CTNNA3: variants seen among roughly 807,000 people sequenced by gnomAD.
CTNNA3 encodes catenin alpha 3, also known as catenin alpha-3.
A neutral mutation model predicts 95.7 loss-of-function variants in CTNNA3; 76 were observed. That is an observed-to-expected ratio of 0.79 (90% CI 0.66 to 0.96). The LOEUF (loss-of-function observed/expected upper bound fraction) is 0.96, where lower values mean the gene tolerates loss of function less well. Among genes scored for constraint, CTNNA3 ranks in the 40% least tolerant of loss-of-function variants. CTNNA3 has a pLI of 0.00. For missense variants in CTNNA3, 1,191 were observed against 1,089.8 expected, an observed-to-expected ratio of 1.09 and a Z score of -1.31; for synonymous variants, 431 against 374.4, an observed-to-expected ratio of 1.15 and a Z score of -1.74.
chr10:66,942,369 A>G (rs1191717280), intron 7 of CTNNA3, among the ~76,000 whole-genome samples: 1 of 152,194 alleles, frequency 6.6e-6, no homozygotes, highest in African/African-American at 2.4e-5. Flanking sequence ...AATATCCTTT[A>G]ATGGACTTGC....
Position 66,877,945 on chromosome 10 carries a change from A to G in CTNNA3, c.1048-102421T>C, listed in dbSNP as rs573825715. Reference sequence around the variant, plus strand: ...GAAAGTCTAAACTGTTAAAGTCGCTAAGGCACTAGTGCTTTGTATAATTTA... The same window carrying G: ...GAAAGTCTAAACTGTTAAAGTCGCTGAGGCACTAGTGCTTTGTATAATTTA... On this transcript the variant is annotated intron_variant, in intron 7 of 17. Coordinates refer to ENST00000433211, the MANE Select transcript of CTNNA3 (RefSeq NM_013266.4). 2.0e-5 allele frequency among the ~76,000 whole-genome samples: 3 copies of G among 152,282 alleles called. No homozygotes were observed. The East Asian group carries it at 5.8e-4, about 29-fold the overall frequency.
At chr10:66,775,584 T>A in intron 7 of CTNNA3, 60 bp from the exon 8 acceptor site, 1 of 1,233,262 alleles carries the variant, frequency 8.1e-7, no homozygotes, top group Non-Finnish European at 1.2e-6. Context: ...CACTTAGCAA[T>A]TTGCTTTCTA....
intron 3 of CTNNA3, among the ~76,000 whole-genome samples, chr10:67,586,812 AT>A (rs1282649667): frequency 1.3e-5 from 2 of 151,710 alleles, no homozygotes; most frequent in African/African-American, 4.8e-5. Context: ...TATGTAAGGG[AT>A]TTTTTCTGTC....
intron 13 of CTNNA3, among the ~76,000 whole-genome samples, chr10:66,246,966 T>G (rs1002005338): frequency 1.4e-5 from 2 of 147,628 alleles, no homozygotes; most frequent in Non-Finnish European, 1.5e-5. Flanking sequence ...AGCAGGAGAA[T>G]CACTTGAACC....
rs1174361427 is a variant in CTNNA3, at chr10:67,301,975, AAAAG to A, written c.580-82109_580-82106del. Among the ~76,000 whole-genome samples the A allele has an allele frequency of 2.4e-3, 284 of 118,634 alleles. 30 individuals carry two copies. Among genetic ancestry groups the A allele is most frequent in the South Asian group, 0.014 (42 of 3,066 alleles). 77.8% of individuals were successfully genotyped at this position (118,634 alleles called of 152,430 possible). On this transcript the variant is annotated intron_variant, in intron 5 of 17. Coordinates refer to ENST00000433211, the MANE Select transcript of CTNNA3 (RefSeq NM_013266.4). ...CAGAGCGAGACTCGTCAAGAAAGAA[AAAAG>A]AAAGAAAGAAAGAACGAAAGAACGA...
intron 10 of CTNNA3, among the ~76,000 whole-genome samples, chr10:66,554,430 AAT>A (rs80082369): frequency 0.11 from 17,080 of 151,960 alleles, 1,725 homozygotes; most frequent in East Asian, 0.56. Context: ...TTTTAAAAAA[AAT>A]AATTCTTTTT....
At position 66,379,296 on chromosome 10, in the gene CTNNA3, C is replaced by A. The variant is rs74141465; in HGVS notation, c.1588G>T (p.Ala530Ser). Residue 530 changes from alanine (A) to serine (S), a missense_variant, in exon 12 of 18, where the codon GCT becomes TCT. Ala to Ser is a moderately conservative substitution (Grantham distance 99, BLOSUM62 1). Transcript: ENST00000433211. ...CCCGCAGCACGGTCTAAATTATCAGCATCCTGGTCTCTTAAGGCTATGATA... is the reference window on the plus strand; with the variant it reads ...CCCGCAGCACGGTCTAAATTATCAGAATCCTGGTCTCTTAAGGCTATGATA... ...KCIIALRDQD[A>S]DNLDRAAGAI... 4.8e-4 allele frequency: 778 copies of A among 1,614,128 alleles called. 4 individuals are homozygous for A. The African/African-American group carries it at 9.2e-3, about 19-fold the overall frequency.
intron 9 of CTNNA3, among the ~76,000 whole-genome samples, chr10:66,673,069 T>C (rs1031138792): frequency 1.3e-5 from 2 of 152,130 alleles, no homozygotes; most frequent in Non-Finnish European, 1.5e-5. Flanking sequence ...GCATGTATTA[T>C]AATTGAATAT....
At chr10:67,548,565 A>C (rs1041292095) in intron 3 of CTNNA3, among the ~76,000 whole-genome samples, 61 of 152,184 alleles carry the variant, frequency 4.0e-4, no homozygotes, top group Admixed American at 1.2e-3. Flanking sequence ...AGGAAGCTAT[A>C]ATAACCAATA....
intron 9 of CTNNA3, among the ~76,000 whole-genome samples, chr10:66,649,542 G>A (rs1845823035): frequency 6.6e-6 from 1 of 152,154 alleles, no homozygotes; most frequent in Non-Finnish European, 1.5e-5. Flanking sequence ...ACTTACTGTG[G>A]AACCCAACAC....
At chr10:66,310,535 T>G (rs1024021107) in intron 12 of CTNNA3, among the ~76,000 whole-genome samples, 4 of 152,292 alleles carry the variant, frequency 2.6e-5, no homozygotes, top group African/African-American at 9.6e-5. Context: ...CTATATTCCT[T>G]GGAAATCCAT....
rs981431132 is a variant in CTNNA3, at chr10:67,743,057, G to A, written c.-2+20377C>T. On this transcript the variant is annotated intron_variant, in intron 1 of 17. Coordinates refer to the CTNNA3 transcript ENST00000684154. Reference sequence around the variant, plus strand: ...TCCAGGACCAGATGGATTCACAGCCGAATTCTACCAGAGGTACAAACAGGA... The same window carrying A: ...TCCAGGACCAGATGGATTCACAGCCAAATTCTACCAGAGGTACAAACAGGA... 4.6e-5 allele frequency among the ~76,000 whole-genome samples: 7 copies of A among 151,202 alleles called. No individual in the cohort carries two copies. In the East Asian group the frequency reaches 5.8e-4, roughly 13 times the overall value.
At chr10:67,421,979 A>G (rs1269612348) in intron 5 of CTNNA3, among the ~76,000 whole-genome samples, 1 of 152,208 alleles carries the variant, frequency 6.6e-6, no homozygotes, top group Non-Finnish European at 1.5e-5. Flanking sequence ...TGAGGACACA[A>G]TATCGCTTTG....
intron 5 of CTNNA3, among the ~76,000 whole-genome samples, chr10:67,296,729 T>G (rs905817504): frequency 1.9e-4 from 28 of 150,694 alleles, no homozygotes; most frequent in Non-Finnish European, 5.9e-5. Context: ...AGGTCAGGAG[T>G]TCAAGACCAG....
At chr10:66,507,259 T>A (rs765848346) in intron 11 of CTNNA3, among the ~76,000 whole-genome samples, 106 of 152,114 alleles carry the variant, frequency 7.0e-4, no homozygotes, top group Non-Finnish European at 1.2e-3. Context: ...ATTTATGGGG[T>A]ACCAAGTGAC....
rs1221005741 is a variant in CTNNA3 at position 67,583,170 on chromosome 10, T to C, written c.292+23687A>G. 5.3e-5 allele frequency among the ~76,000 whole-genome samples: 8 copies of C among 152,158 alleles called. No individual in the cohort carries two copies. In the South Asian group the frequency reaches 1.7e-3, roughly 32 times the overall value. On this transcript the variant is annotated intron_variant, in intron 3 of 17. Coordinates refer to ENST00000433211, the MANE Select transcript of CTNNA3 (RefSeq NM_013266.4). Reference sequence around the variant, plus strand: ...TTCCTAGCATCGATGGTCTTTACAATTGGCATGGTTTTGCAGTGGCTGGTA... The same window carrying C: ...TTCCTAGCATCGATGGTCTTTACAACTGGCATGGTTTTGCAGTGGCTGGTA...
chr10:67,515,078 T>C (rs930617971), intron 5 of CTNNA3, among the ~76,000 whole-genome samples: 2 of 152,190 alleles, frequency 1.3e-5, no homozygotes, highest in Non-Finnish European at 2.9e-5. Flanking sequence ...GACCATTAAC[T>C]ATCCAATGTG....
At chr10:67,447,504 G>C (rs1257028737) in intron 5 of CTNNA3, among the ~76,000 whole-genome samples, 1 of 152,016 alleles carries the variant, frequency 6.6e-6, no homozygotes, top group African/African-American at 2.4e-5. Context: ...CTTGCTCCTT[G>C]TTCCTTCAAA....
intron 7 of CTNNA3, among the ~76,000 whole-genome samples, chr10:66,871,182 G>A (rs4746646): frequency 6.6e-6 from 1 of 152,090 alleles, no homozygotes; most frequent in African/African-American, 2.4e-5. Flanking sequence ...GACCATCTTA[G>A]GTTGAAGAAA....
Sources: allele counts gnomAD v4.1 joint callset (sites outside exome capture counted in the v4.1 genomes callset), GRCh38; gene constraint gnomAD v4.1.1; transcripts MANE v1.5; gene names NCBI Gene and HGNC (gene_info 2026-07-23, HGNC 2026-07-21).